CD69: variants seen among roughly 807,000 people sequenced by gnomAD.
The protein encoded by CD69 is early activation antigen CD69.
CD69 carries 10 observed loss-of-function variants against 21.4 expected under a neutral mutation model. The observed-to-expected ratio is 0.47, with a 90% CI of 0.29 to 0.79. CD69 has a LOEUF of 0.79. Ranked by LOEUF, CD69 falls within the 30% of genes least tolerant of loss-of-function variation. CD69 has a pLI of 0.09. For missense variants in CD69, 204 were observed against 236.9 expected (o/e 0.86, Z 0.91); for synonymous variants, 63 against 78.2 (o/e 0.81, Z 1.03).
intron 4 of CD69, 73 bp from the exon 5 acceptor site, chr12:9,753,662 G>A (rs71447601): frequency 1.3e-4 from 81 of 642,466 alleles, no homozygotes; most frequent in Non-Finnish European, 2.0e-4. Flanking sequence ...GAATGAACTC[G>A]GAGATGGTGA....
chr12:9,760,090 G>A (rs937655259), intron 1 of CD69, among the ~76,000 whole-genome samples: 7 of 152,108 alleles, frequency 4.6e-5, no homozygotes, highest in African/African-American at 1.7e-4. Context: ...TACCAAAGCA[G>A]GAGATTGCAT....
In CD69 at chr12:9,753,573, A is replaced by G; in HGVS notation, c.508T>C (p.Ser170Pro). 1 of 1,556,492 alleles carries G rather than the reference A, an allele frequency of 6.4e-7. No homozygotes were observed. Among genetic ancestry groups the G allele is most frequent in the Non-Finnish European group, 8.8e-7 (1 of 1,133,288 alleles). ...EFNNWFNVTG[S>P]DKCVFLKNTE... ...TTTTTCAGAAAAACACACTTGTCAG[A>G]CCCTGTAACGTTGAACCTGTCAAAC... Residue 170 changes from serine (S) to proline (P), a missense_variant, in exon 5 of 5, where the codon TCT becomes CCT. Coordinates refer to ENST00000228434, the MANE Select transcript of CD69 (RefSeq NM_001781.2).
chr12:9,760,501 C>T (rs3176788), intron 1 of CD69, among the ~76,000 whole-genome samples: 2 of 152,088 alleles, frequency 1.3e-5, no homozygotes, highest in African/African-American at 4.8e-5. Flanking sequence ...GGCTTTCTCT[C>T]ATCTCAGGTA....
intron 1 of CD69, among the ~76,000 whole-genome samples, chr12:9,760,414 T>C (rs193065809): frequency 1.3e-5 from 2 of 152,330 alleles, no homozygotes; most frequent in East Asian, 3.9e-4. Context: ...AGTTTTCTAA[T>C]TAAATCTAAA....
At chr12:9,760,255 C>A (rs771660364) in intron 1 of CD69, among the ~76,000 whole-genome samples, 22 of 152,100 alleles carry the variant, frequency 1.4e-4, no homozygotes, top group Admixed American at 9.8e-4. Context: ...ATAAGGTACA[C>A]TGAAAGCAGA....
At position 9,756,363 on chromosome 12, in the gene CD69, C is replaced by G. The variant is rs1866679453; in HGVS notation, c.121G>C (p.Val41Leu). 6.2e-7 allele frequency: 1 copy of G among 1,613,644 alleles called. No individual in the cohort carries two copies. Among genetic ancestry groups the G allele is most frequent in the East Asian group, 2.2e-5 (1 of 44,844 alleles). ...ACCACATTCATTACAGCACACAGGA[C>G]AGGAACTTGGAAGGACCCTTCATGA... The part of the protein sequence containing the change: ...TRHEGSFQVP[V>L]LCAVMNVVFI... Residue 41 changes from valine (V) to leucine (L), a missense_variant, in exon 2 of 5, where the codon GTC (valine) becomes CTC (leucine). By Grantham distance (32) the Val-to-Leu change is conservative. Coordinates refer to ENST00000228434, the MANE Select transcript of CD69 (RefSeq NM_001781.2).
chr12:9,760,780 A>G lies in CD69; in HGVS notation c.41T>C (p.Leu14Ser), dbSNP rs1293877742. ...ENCFVAENSSLHPESGQENDA... is the reference protein window; with the variant it reads ...ENCFVAENSSSHPESGQENDA... ...ACTTTCTTGTCCACTCTCCGGATGC[A>G]AAGAGCTGTTCTCTGCTACGAAACA... Residue 14 changes from leucine to serine, a missense_variant, in exon 1 of 5, where the codon TTG (leucine) becomes TCG (serine). By Grantham distance (145) the Leu-to-Ser change is moderately radical. Coordinates refer to ENST00000228434, the MANE Select transcript of CD69 (RefSeq NM_001781.2). The G allele has an allele frequency of 1.9e-6, 3 of 1,612,990 alleles. No homozygotes were observed. Among genetic ancestry groups the G allele is most frequent in the Non-Finnish European group, 2.5e-6 (3 of 1,179,862 alleles).
chr12:9,760,705 A>C, intron 1 of CD69, 52 bp downstream of exon 1: 1 of 1,265,232 alleles, frequency 7.9e-7, no homozygotes, highest in Non-Finnish European at 1.2e-6. Context: ...ACTACTATTA[A>C]TGTCATATAT....
intron 3 of CD69, 95 bp downstream of exon 3, chr12:9,754,959 ATGTTTGTT>A (rs755991041): frequency 2.0e-6 from 2 of 987,700 alleles, no homozygotes; most frequent in African/African-American, 3.2e-5. Flanking sequence ...AATAGGTACA[ATGTTTGTT>A]TGTTTGTTTG....
Position 9,753,599 on chromosome 12 carries a change from A to G in CD69, c.492-10T>C. On this transcript the variant is annotated splice_polypyrimidine_tract_variant and intron_variant, in intron 4 of 4. Coordinates refer to ENST00000228434, the MANE Select transcript of CD69 (RefSeq NM_001781.2). Reference sequence around the variant, plus strand: ...CCCTGTAACGTTGAACCTGTCAAACAATAAAAAAACTTAGAATTATTTTCA... The same window carrying G: ...CCCTGTAACGTTGAACCTGTCAAACGATAAAAAAACTTAGAATTATTTTCA... The G allele has an allele frequency of 1.5e-6, 2 of 1,332,044 alleles. No individual in the cohort carries two copies. Among genetic ancestry groups the G allele is most frequent in the Non-Finnish European group, 1.1e-6 (1 of 941,504 alleles). The allele number at this position is 1,332,044 out of a possible 1,614,324, so 82.5% of individuals were successfully genotyped here.
At chr12:9,758,903 T>G (rs915313868) in intron 1 of CD69, among the ~76,000 whole-genome samples, 5 of 152,164 alleles carry the variant, frequency 3.3e-5, no homozygotes, top group African/African-American at 7.2e-5. Flanking sequence ...CAGATGATAC[T>G]TTATTCCCAT....
chr12:9,759,081 C>T (rs974771787), intron 1 of CD69, among the ~76,000 whole-genome samples: 20 of 152,060 alleles, frequency 1.3e-4, no homozygotes, highest in Admixed American at 7.9e-4. Context: ...AGGCGCCCGC[C>T]CCCACGCCCG....
Position 9,753,006 on chromosome 12 carries a change from G to A in CD69, c.*475C>T, listed in dbSNP as rs961204631. ...ATTTATAAATGCTCCCTGAGTTTAA[G>A]GGATTCAATTAGACTAAAAACCTAT... On this transcript the variant is annotated 3_prime_UTR_variant, in exon 5 of 5. Coordinates refer to ENST00000228434, the MANE Select transcript of CD69 (RefSeq NM_001781.2). The A allele has an allele frequency of 6.6e-6, 1 of 152,504 alleles. No homozygotes were observed. Among genetic ancestry groups the A allele is most frequent in the African/African-American group, 2.4e-5 (1 of 41,404 alleles). 9.4% of individuals were successfully genotyped at this position (152,504 alleles called of 1,614,324 possible).
intron 3 of CD69, 43 bp downstream of exon 3, chr12:9,755,019 T>G: frequency 1.4e-6 from 2 of 1,480,114 alleles, no homozygotes; most frequent in Non-Finnish European, 1.9e-6. Flanking sequence ...TGATTAGCCA[T>G]ATGAATTAAA....
At chr12:9,758,072 C>T (rs12305046) in intron 1 of CD69, among the ~76,000 whole-genome samples, 145,198 of 150,428 alleles carry the variant, frequency 0.97, 70,289 homozygotes, top group East Asian at 1. Context: ...CTTTTTTTTT[C>T]CCAACAAGCA....
Position 9,755,138 on chromosome 12 carries a change from C to T in CD69, c.311G>A (p.Arg104Lys). 6.2e-7 allele frequency: 1 copy of T among 1,614,076 alleles called. No homozygotes were observed. Among genetic ancestry groups the T allele is most frequent in the South Asian group, 1.1e-5 (1 of 91,084 alleles). The change falls in exon 3 of 5, where the codon AGG (arginine) becomes AAG (lysine). Residue 104 changes from arginine to lysine, a missense_variant. Coordinates refer to ENST00000228434, the MANE Select transcript of CD69 (RefSeq NM_001781.2). ...RKCYFISTVK[R>K]SWTSAQNACS... Reference sequence around the variant, plus strand: ...AGCATTTTGGGCTGAAGTCCAGCTCCTCTTCACAGTAGAAATAAAGTAGCA... The same window carrying T: ...AGCATTTTGGGCTGAAGTCCAGCTCTTCTTCACAGTAGAAATAAAGTAGCA...
Position 9,753,157 on chromosome 12 carries a change from C to T in CD69, c.*324G>A, listed in dbSNP as rs207472648. On this transcript the variant is annotated 3_prime_UTR_variant, in exon 5 of 5. Coordinates refer to ENST00000228434, the MANE Select transcript of CD69 (RefSeq NM_001781.2). ...CATTCAGCAATAAATAGTAAGTCCA[C>T]GCCTAGTTATTTCATTATTTCTGGA... is the stretch of plus-strand genomic sequence containing the variant. 9.0e-5 allele frequency: 15 copies of T among 167,088 alleles called. No individual in the cohort carries two copies. Among genetic ancestry groups the T allele is most frequent in the South Asian group, 3.5e-4 (2 of 5,786 alleles). 10.4% of individuals were successfully genotyped at this position (167,088 alleles called of 1,614,324 possible).
At chr12:9,760,462 T>C (rs2121105610) in intron 1 of CD69, among the ~76,000 whole-genome samples, 1 of 152,300 alleles carries the variant, frequency 6.6e-6, no homozygotes, top group East Asian at 1.9e-4. Context: ...GAGAAAGATC[T>C]TTAAAGATCT....
intron 1 of CD69, among the ~76,000 whole-genome samples, chr12:9,760,285 C>G (rs1866721319): frequency 6.6e-6 from 1 of 151,930 alleles, no homozygotes; most frequent in Non-Finnish European, 1.5e-5. Flanking sequence ...CAAAGGAAGG[C>G]AAACAATGTA....
Sources: gnomAD v4.1 joint callset for allele counts (sites outside exome capture counted in the v4.1 genomes callset) on GRCh38, gnomAD v4.1.1 for gene constraint, MANE v1.5 for transcripts, NCBI Gene and HGNC (gene_info 2026-07-23, HGNC 2026-07-21) for gene names.